Variants in ZNG1B observed in about 807,000 individuals in gnomAD.
ZNG1B encodes Zn regulated GTPase metalloprotein activator 1B.
the ZNG1B span, chr2:113,470,151 C>G: frequency 4.6e-5 from 7 of 151,552 alleles, no homozygotes; most frequent in African/African-American, 1.7e-4. Context: ...GCCACCACAC[C>G]CAGCTAATTT....
the ZNG1B span, chr2:113,444,858 A>G: frequency 1.3e-6 from 2 of 1,502,980 alleles, no homozygotes; most frequent in Admixed American, 1.9e-5. Flanking sequence ...TCACATTCCT[A>G]AGGGTACTTT....
the ZNG1B span, among the ~76,000 whole-genome samples, chr2:113,438,554 A>G: frequency 6.6e-6 from 1 of 151,972 alleles, no homozygotes; most frequent in Non-Finnish European, 1.5e-5. Context: ...GTCTGTTTGT[A>G]AACCACTGCG....
chr2:113,438,004 A>G, the ZNG1B span: 1 of 1,611,950 alleles, frequency 6.2e-7, no homozygotes, highest in Non-Finnish European at 8.5e-7. Flanking sequence ...CCCAGTCACA[A>G]TTATCACCGG....
the ZNG1B span, chr2:113,437,927 C>T: frequency 6.2e-7 from 1 of 1,612,010 alleles, no homozygotes; most frequent in Non-Finnish European, 8.5e-7. Flanking sequence ...GAGGATTGTC[C>T]TGAATTGGTT....
the ZNG1B span, among the ~76,000 whole-genome samples, chr2:113,476,873 G>C: frequency 2.0e-5 from 3 of 152,230 alleles, no homozygotes; most frequent in Admixed American, 6.5e-5. Context: ...CAGTCTGCCA[G>C]TTCTCAGATC....
chr2:113,443,452 G>T, the ZNG1B span, among the ~76,000 whole-genome samples: 1 of 151,510 alleles, frequency 6.6e-6, no homozygotes, highest in South Asian at 2.1e-4. Context: ...GTTTACCCTG[G>T]ACAAGAAAAA....
the ZNG1B span, among the ~76,000 whole-genome samples, chr2:113,471,638 C>T: frequency 7.0e-4 from 101 of 144,948 alleles, no homozygotes; most frequent in African/African-American, 2.3e-3. Flanking sequence ...CCCCCTCCCC[C>T]CAACCCACAA....
At chr2:113,474,999 T>C in the ZNG1B span, among the ~76,000 whole-genome samples, 2 of 146,218 alleles carry the variant, frequency 1.4e-5, no homozygotes, top group Non-Finnish European at 3.0e-5. Flanking sequence ...TAGATGTCTA[T>C]TAGGTCTGCT....
At chr2:113,487,222 G>A in the ZNG1B span, among the ~76,000 whole-genome samples, 1 of 152,116 alleles carries the variant, frequency 6.6e-6, no homozygotes, top group Admixed American at 6.5e-5. Flanking sequence ...GTACAGGTTT[G>A]TAGCCTAGGA....
At chr2:113,483,108 TA>T in the ZNG1B span, among the ~76,000 whole-genome samples, 1 of 152,230 alleles carries the variant, frequency 6.6e-6, no homozygotes, top group Non-Finnish European at 1.5e-5. Context: ...GAATTTATGG[TA>T]AAAAAACAAA....
the ZNG1B span, chr2:113,466,840 G>A: frequency 3.7e-5 from 35 of 945,452 alleles, no homozygotes; most frequent in Non-Finnish European, 4.0e-5. Context: ...CAAGGTGGGC[G>A]GATCACGAGA....
At chr2:113,468,719 G>A in the ZNG1B span, 5 of 150,992 alleles carry the variant, frequency 3.3e-5, no homozygotes, top group East Asian at 1.9e-4. Context: ...TTTTCTAGTC[G>A]TATGCCTTGA....
At chr2:113,480,022 T>C in the ZNG1B span, among the ~76,000 whole-genome samples, 2 of 151,822 alleles carry the variant, frequency 1.3e-5, no homozygotes, top group African/African-American at 4.8e-5. Context: ...GGTTTTGCCA[T>C]GTTGCCGAAG....
the ZNG1B span, among the ~76,000 whole-genome samples, chr2:113,463,354 A>G: frequency 6.6e-6 from 1 of 152,096 alleles, no homozygotes; most frequent in Non-Finnish European, 1.5e-5. Flanking sequence ...CAAAATTACT[A>G]TTCTTAGTAT....
At chr2:113,459,248 TTC>T in the ZNG1B span, among the ~76,000 whole-genome samples, 1 of 151,346 alleles carries the variant, frequency 6.6e-6, no homozygotes, top group African/African-American at 2.4e-5. Context: ...ATGATTTTAT[TTC>T]AGTTTTGTTT....
At chr2:113,476,746 T>C in the ZNG1B span, among the ~76,000 whole-genome samples, 3 of 152,098 alleles carry the variant, frequency 2.0e-5, no homozygotes, top group Non-Finnish European at 2.9e-5. Flanking sequence ...AGACAGGACC[T>C]TCAGCTGCAG....
chr2:113,454,076 A>T, the ZNG1B span, among the ~76,000 whole-genome samples: 1 of 152,126 alleles, frequency 6.6e-6, no homozygotes, highest in Non-Finnish European at 1.5e-5. Flanking sequence ...AATAATCATT[A>T]AGAAATTTAA....
the ZNG1B span, among the ~76,000 whole-genome samples, chr2:113,484,619 G>A: frequency 8.5e-4 from 129 of 152,138 alleles, no homozygotes; most frequent in Middle Eastern, 3.4e-3. Flanking sequence ...TAATTTTAGT[G>A]TACAATTCGA....
chr2:113,465,816 G>C, the ZNG1B span: 1 of 968,686 alleles, frequency 1.0e-6, no homozygotes, highest in Non-Finnish European at 1.2e-6. Context: ...CAGGCAGCCA[G>C]GAGCTCTGAG....
Sources: gnomAD v4.1 joint callset for allele counts (sites outside exome capture counted in the v4.1 genomes callset) on GRCh38, gnomAD v4.1.1 for gene constraint, MANE v1.5 for transcripts, NCBI Gene and HGNC (gene_info 2026-07-23, HGNC 2026-07-21) for gene names.